The following DISP1 variants were observed in gnomAD, a reference collection of about 807,000 sequenced individuals.
The protein encoded by DISP1 is dispatched RND transporter family member 1.
Under a neutral mutation model 37.3 loss-of-function variants are expected in DISP1, and 30 were observed. That is an observed-to-expected ratio of 0.80 (90% CI 0.60 to 1.09). The LOEUF is 1.09. Ranked by LOEUF, DISP1 falls within the 50% of genes least tolerant of loss-of-function variation. The pLI is 0.00. For synonymous variants in DISP1, 634 were observed against 690.2 expected (o/e 0.92, Z 1.28); for missense variants, 1,598 against 1,879.5 (o/e 0.85, Z 2.77).
intron 1 of DISP1, among the ~76,000 whole-genome samples, chr1:222,820,053 G>T (rs1247660942): frequency 6.6e-6 from 1 of 151,730 alleles, no homozygotes; most frequent in East Asian, 1.9e-4. Flanking sequence ...ACCATAGCTA[G>T]TAGAAGAACC....
intron 8 of DISP1, among the ~76,000 whole-genome samples, chr1:222,999,944 G>A (rs907132362): frequency 5.9e-5 from 9 of 152,150 alleles, no homozygotes; most frequent in African/African-American, 1.9e-4. Context: ...ACTAGCACTC[G>A]TTTTTAATAG....
chr1:222,987,288 G>A (rs1476755029), intron 4 of DISP1, among the ~76,000 whole-genome samples: 1 of 152,178 alleles, frequency 6.6e-6, no homozygotes, highest in Non-Finnish European at 1.5e-5. Context: ...CAATTTTGTG[G>A]TGTTGAGAAG....
chr1:222,902,777 C>T (rs994313310), intron 1 of DISP1, among the ~76,000 whole-genome samples: 13 of 151,810 alleles, frequency 8.6e-5, no homozygotes, highest in Admixed American at 1.3e-4. Context: ...GTTAGAATGG[C>T]GATCATTAAA....
chr1:222,856,066 T>C (rs982739723), intron 1 of DISP1, among the ~76,000 whole-genome samples: 3 of 152,240 alleles, frequency 2.0e-5, no homozygotes, highest in African/African-American at 7.2e-5. Flanking sequence ...GCTCCATCAC[T>C]ATCATTTATT....
chr1:222,937,028 CATATT>C (rs1017201669), intron 2 of DISP1, among the ~76,000 whole-genome samples: 1 of 102,034 alleles, frequency 9.8e-6, no homozygotes, highest in Non-Finnish European at 1.9e-5. Context: ...TTATATATTA[CATATT>C]ATATAATATA....
At chr1:222,896,155 A>G (rs925272169) in intron 1 of DISP1, among the ~76,000 whole-genome samples, 1 of 151,980 alleles carries the variant, frequency 6.6e-6, no homozygotes, top group Non-Finnish European at 1.5e-5. Flanking sequence ...TACAAATGAA[A>G]AAAATTAGCT....
Position 223,003,941 on chromosome 1 carries a change from C to T in DISP1, c.2544C>T (p.Phe848=), listed in dbSNP as rs755396879. ...TTTACCAGACTGATGAACAGGACTT[C>T]ACCAGCTGCTTCATTGAGACATTCA... ...TFFYQTDEQD[F]TSCFIETFKQ... The change falls in exon 9 of 9, where the codon TTC becomes TTT. Residue 848 remains phenylalanine (F), a synonymous_variant. Transcript: ENST00000675850. This position sits in a 1 kb window ranked among gnomAD's most constrained non-coding sequence, Gnocchi z 4.3. 11 of 1,614,184 alleles carry T rather than the reference C, an allele frequency of 6.8e-6. No individual in the cohort carries two copies. The highest frequency in any genetic ancestry group is 9.3e-6 in the Non-Finnish European group (11 of 1,180,042).
chr1:222,947,723 T>C (rs114412090), intron 3 of DISP1, among the ~76,000 whole-genome samples: 1,547 of 152,292 alleles, frequency 0.01, 22 homozygotes, highest in African/African-American at 0.036. Flanking sequence ...TGTTTTTTCT[T>C]TTTTAAGAGT....
chr1:222,829,262 A>G (rs1355474296), intron 1 of DISP1, among the ~76,000 whole-genome samples: 1 of 152,214 alleles, frequency 6.6e-6, no homozygotes, highest in African/African-American at 2.4e-5. Context: ...ATGGGATGCC[A>G]TGTTGTAAAG....
At chr1:222,968,410 A>G (rs1676665401) in intron 3 of DISP1, among the ~76,000 whole-genome samples, 1 of 152,148 alleles carries the variant, frequency 6.6e-6, no homozygotes, top group Non-Finnish European at 1.5e-5. Context: ...TAGAAAGACC[A>G]TCCAACTCAG....
At chr1:222,833,395 A>G (rs1352256843) in intron 1 of DISP1, among the ~76,000 whole-genome samples, 1 of 152,150 alleles carries the variant, frequency 6.6e-6, no homozygotes, top group Non-Finnish European at 1.5e-5. Context: ...AGTGGTATTT[A>G]ATATTTGTAT....
At chr1:222,971,484 G>A (rs1676957179) in intron 3 of DISP1, among the ~76,000 whole-genome samples, 1 of 151,160 alleles carries the variant, frequency 6.6e-6, no homozygotes, top group Middle Eastern at 3.4e-3. Context: ...TAATTCTGTA[G>A]GGACAAAATG....
Position 222,880,740 on chromosome 1 carries a change from C to T in DISP1, c.-158-47690C>T, listed in dbSNP as rs148508962. Among the ~76,000 whole-genome samples, 447 of 152,204 alleles carry T rather than the reference C, an allele frequency of 2.9e-3. 3 individuals carry two copies. The highest frequency in any genetic ancestry group is 0.01 in the African/African-American group (434 of 41,500). On this transcript the variant is annotated intron_variant, in intron 1 of 8. Coordinates refer to ENST00000675850, the MANE Select transcript of DISP1 (RefSeq NM_001377229.1). The stretch of plus-strand genomic sequence containing the variant: ...TCCTGTGTGGCGAGAGAAGACTACA[C>T]GTAACTTGGTGGTTAGTCATCTTAA...
intron 1 of DISP1, among the ~76,000 whole-genome samples, chr1:222,819,343 A>G (rs1483300195): frequency 6.6e-6 from 1 of 152,118 alleles, no homozygotes; most frequent in Non-Finnish European, 1.5e-5. Flanking sequence ...GTGAGAATGG[A>G]CTAATAAAAG....
intron 4 of DISP1, among the ~76,000 whole-genome samples, chr1:222,989,190 T>A (rs1256195731): frequency 6.6e-6 from 1 of 152,206 alleles, no homozygotes; most frequent in Non-Finnish European, 1.5e-5. Flanking sequence ...TATTTGTAAC[T>A]ACTAGCATGA....
At chr1:222,938,530 T>G (rs1674135930) in intron 2 of DISP1, among the ~76,000 whole-genome samples, 1 of 151,416 alleles carries the variant, frequency 6.6e-6, no homozygotes, top group African/African-American at 2.4e-5. Flanking sequence ...GCTCTGGGAT[T>G]TGAGACCAGA....
intron 8 of DISP1, among the ~76,000 whole-genome samples, chr1:222,999,970 C>T (rs2609357): frequency 0.86 from 131,291 of 152,168 alleles, 56,768 homozygotes; most frequent in Non-Finnish European, 0.89. Flanking sequence ...ATCAAAATAG[C>T]ATTTAATCTG....
At chr1:222,990,807 A>C in intron 5 of DISP1, 59 bp downstream of exon 5, 1 of 1,601,828 alleles carries the variant, frequency 6.2e-7, no homozygotes, top group South Asian at 1.1e-5. Flanking sequence ...GTGTATTTTA[A>C]TACATGTTGC....
chr1:222,935,550 G>A (rs1412632380), intron 2 of DISP1, among the ~76,000 whole-genome samples: 1 of 152,112 alleles, frequency 6.6e-6, no homozygotes, highest in Admixed American at 6.5e-5. Context: ...TTTCCAGAGG[G>A]CTATTAGGAG....
Sources: allele counts gnomAD v4.1 joint callset (sites outside exome capture counted in the v4.1 genomes callset), GRCh38; gene constraint gnomAD v4.1.1; non-coding constraint Gnocchi (gnomAD v3.1); transcripts MANE v1.5; gene names NCBI Gene and HGNC (gene_info 2026-07-23, HGNC 2026-07-21).